PEX14: variants seen among roughly 807,000 people sequenced by gnomAD.
PEX14 encodes the protein peroxisomal biogenesis factor 14.
PEX14 carries 15 observed loss-of-function variants against 49.5 expected under a neutral mutation model. The observed-to-expected ratio is 0.30, with a 90% CI of 0.20 to 0.47. The LOEUF is 0.47. PEX14 is among the 20% of genes least tolerant of loss of function. The probability of loss-of-function intolerance (pLI) is 1.00; values close to 1 mark genes in which losing one functional copy is unlikely to be tolerated. For missense variants in PEX14, 398 were observed against 494.8 expected (o/e 0.80, Z 1.86); for synonymous variants, 210 against 212.7 (o/e 0.99, Z 0.11).
At chr1:10,583,772 C>T (rs12045923) in intron 3 of PEX14, among the ~76,000 whole-genome samples, 87,576 of 151,824 alleles carry the variant, frequency 0.58, 26,000 homozygotes, top group Non-Finnish European at 0.65. Context: ...TTGAAGAAAA[C>T]GAGGAAGCAA....
intron 8 of PEX14, among the ~76,000 whole-genome samples, chr1:10,627,864 C>T (rs746078428): frequency 6.6e-6 from 1 of 152,246 alleles, no homozygotes; most frequent in African/African-American, 2.4e-5. Flanking sequence ...CACATTGTCA[C>T]CAATGCAGCC....
intron 3 of PEX14, among the ~76,000 whole-genome samples, chr1:10,550,087 C>T (rs1639293354): frequency 6.6e-6 from 1 of 152,090 alleles, no homozygotes; most frequent in South Asian, 2.1e-4. Context: ...GAAGCAGACT[C>T]CACAGAAATA....
At position 10,623,313 on chromosome 1, in the gene PEX14, G is replaced by A. The variant is rs1016320387; in HGVS notation, c.487+192G>A. On this transcript the variant is annotated intron_variant, in intron 6 of 8. Coordinates refer to ENST00000356607, the MANE Select transcript of PEX14 (RefSeq NM_004565.3). The surrounding 1 kb of genome is among the most constrained non-coding windows in gnomAD (Gnocchi z 4.4). ...TTGAAATTGCTTGTTTACTGTCGGCGCGGCCTCAATTAATTATGTTTTTAC... is the reference window on the plus strand; with the variant it reads ...TTGAAATTGCTTGTTTACTGTCGGCACGGCCTCAATTAATTATGTTTTTAC... The A allele has an allele frequency of 1.2e-5, 7 of 583,682 alleles. No individual in the cohort carries two copies. Among genetic ancestry groups the A allele is most frequent in the Admixed American group, 2.5e-5 (1 of 39,792 alleles). The allele number at this position is 583,682 out of a possible 1,614,324, so 36.2% of individuals were successfully genotyped here. A position where few individuals can be genotyped will look rare whatever the true frequency, so the allele number is the denominator to read the frequency against.
intron 3 of PEX14, among the ~76,000 whole-genome samples, chr1:10,576,164 C>T (rs1031753181): frequency 2.0e-5 from 3 of 151,990 alleles, no homozygotes; most frequent in South Asian, 2.1e-4. Context: ...TTTTCCCCAC[C>T]GTTCCTTGCC....
chr1:10,506,577 A>G (rs747300147), intron 2 of PEX14, among the ~76,000 whole-genome samples: 28 of 152,250 alleles, frequency 1.8e-4, no homozygotes, highest in Non-Finnish European at 3.8e-4. Flanking sequence ...ACGCCTGGCT[A>G]TAATGTGTTC....
chr1:10,626,680 G>T (rs1431342667), intron 7 of PEX14, among the ~76,000 whole-genome samples: 1 of 152,244 alleles, frequency 6.6e-6, no homozygotes, highest in Non-Finnish European at 1.5e-5. Flanking sequence ...CCTTCAGCCT[G>T]GGCGAGGTAG....
chr1:10,588,904 AATCT>A lies in PEX14; in HGVS notation c.170-10330_170-10327del, dbSNP rs542214469. On this transcript the variant is annotated intron_variant, in intron 3 of 8. Transcript: ENST00000356607. ...GTTGCTAAAATCTATTGTAAGAACAAATCTATCCATGAAATTGTGAAAGAGGAAA... is the reference window on the plus strand; with the variant it reads ...GTTGCTAAAATCTATTGTAAGAACAAATCCATGAAATTGTGAAAGAGGAAA... Among the ~76,000 whole-genome samples the A allele has an allele frequency of 6.4e-4, 98 of 152,308 alleles. 2 individuals are homozygous for A. In the South Asian group the frequency reaches 0.017, roughly 27 times the overall value.
At chr1:10,548,371 T>C (rs1424763539) in intron 3 of PEX14, among the ~76,000 whole-genome samples, 1 of 152,256 alleles carries the variant, frequency 6.6e-6, no homozygotes, top group African/African-American at 2.4e-5. Context: ...ATTGGAACTG[T>C]TGGAAAATGT....
intron 3 of PEX14, 184 bp downstream of exon 3, chr1:10,536,481 G>A (rs1638808196): frequency 1.6e-5 from 10 of 625,606 alleles, no homozygotes; most frequent in Middle Eastern, 4.3e-4. Flanking sequence ...ACAATGGAGC[G>A]GCAAGATGAC....
chr1:10,626,796 C>T (rs903005214), intron 7 of PEX14, among the ~76,000 whole-genome samples: 5 of 152,212 alleles, frequency 3.3e-5, no homozygotes, highest in African/African-American at 9.7e-5. Context: ...TCCTCTTCCC[C>T]GTCTATACCA....
chr1:10,580,525 A>G (rs1432623074), intron 3 of PEX14, among the ~76,000 whole-genome samples: 1 of 152,184 alleles, frequency 6.6e-6, no homozygotes, highest in Non-Finnish European at 1.5e-5. Context: ...GCACCCAAAC[A>G]GGCGTGAGCC....
chr1:10,528,687 G>A (rs1261861441), intron 2 of PEX14, among the ~76,000 whole-genome samples: 1 of 152,152 alleles, frequency 6.6e-6, no homozygotes, highest in Non-Finnish European at 1.5e-5. Context: ...ATAAAACCAG[G>A]GGATACTGGA....
intron 2 of PEX14, among the ~76,000 whole-genome samples, chr1:10,515,269 G>A (rs1452363616): frequency 2.6e-5 from 4 of 151,560 alleles, no homozygotes; most frequent in Non-Finnish European, 4.4e-5. Context: ...ATAATGAACA[G>A]GAAGGGTTGT....
chr1:10,516,792 T>A (rs1223396026), intron 2 of PEX14, among the ~76,000 whole-genome samples: 1 of 152,144 alleles, frequency 6.6e-6, no homozygotes, highest in African/African-American at 2.4e-5. Flanking sequence ...TCGTCAGGTA[T>A]TGGTTTAGAA....
At chr1:10,544,417 C>T (rs555423184) in intron 3 of PEX14, among the ~76,000 whole-genome samples, 1 of 152,096 alleles carries the variant, frequency 6.6e-6, no homozygotes, top group East Asian at 1.9e-4. Context: ...AGGACAGAAC[C>T]ACAGACATGG....
intron 4 of PEX14, among the ~76,000 whole-genome samples, chr1:10,606,372 C>A (rs967829390): frequency 2.6e-5 from 4 of 152,236 alleles, no homozygotes; most frequent in African/African-American, 9.7e-5. Flanking sequence ...TGGAAATTGC[C>A]CATGTCCCTT....
rs1641529622 is a variant in PEX14, at chr1:10,494,823, GCC to G, written c.37-447_37-446del. Among the ~76,000 whole-genome samples the G allele has an allele frequency of 6.6e-6, 1 of 152,222 alleles. No homozygotes were observed. The highest frequency in any genetic ancestry group is 1.5e-5 in the Non-Finnish European group (1 of 68,046). On this transcript the variant is annotated intron_variant, in intron 1 of 8. Transcript: ENST00000356607. The surrounding 1 kb of genome is among the most constrained non-coding windows in gnomAD (Gnocchi z 4.3). The stretch of plus-strand genomic sequence containing the variant: ...AAAATCCTGAGCGTGGGCAGCTGGG[GCC>G]CCCTGGTGGTGGAATCTGGTTCTCC...
rs564322723 is a variant in PEX14, at chr1:10,558,183, T to C, written c.169+21886T>C. On this transcript the variant is annotated intron_variant, in intron 3 of 8. Transcript: ENST00000356607. Reference sequence around the variant, plus strand: ...TGTACAAAAATATAAAAATTTTGTATTTTTAATAGAGATGGGGTTTCTTCA... The same window carrying C: ...TGTACAAAAATATAAAAATTTTGTACTTTTAATAGAGATGGGGTTTCTTCA... Among the ~76,000 whole-genome samples the C allele has an allele frequency of 3.9e-5, 6 of 152,250 alleles. No individual in the cohort carries two copies. The East Asian group carries it at 1.2e-3, about 30-fold the overall frequency.
chr1:10,569,103 C>T (rs1259562911), intron 3 of PEX14, among the ~76,000 whole-genome samples: 1 of 152,030 alleles, frequency 6.6e-6, no homozygotes, highest in African/African-American at 2.4e-5. Flanking sequence ...TAAATATAAA[C>T]AGTGCTAATA....
Sources: gnomAD v4.1 joint callset for allele counts (sites outside exome capture counted in the v4.1 genomes callset) on GRCh38, gnomAD v4.1.1 for gene constraint, Gnocchi (gnomAD v3.1) non-coding constraint, MANE v1.5 for transcripts, NCBI Gene and HGNC (gene_info 2026-07-23, HGNC 2026-07-21) for gene names.